EYS: variants seen among roughly 807,000 people sequenced by gnomAD.
EYS encodes protein eyes shut homolog.
Under a neutral mutation model 282.1 loss-of-function variants are expected in EYS, and 250 were observed. The ratio of observed to expected loss-of-function variants is 0.89; its 90% CI spans 0.80 to 0.98. The LOEUF is 0.98. Among genes scored for constraint, EYS ranks in the 50% least tolerant of loss-of-function variants. EYS has a pLI of 0.00. For missense variants in EYS, 4,016 were observed against 3,709.0 expected (o/e 1.08, Z -2.15); for synonymous variants, 1,355 against 1,282.9 (o/e 1.06, Z -1.20).
At chr6:65,400,242 CT>C (rs1487090272) in intron 7 of EYS, among the ~76,000 whole-genome samples, 8 of 151,940 alleles carry the variant, frequency 5.3e-5, no homozygotes, top group Non-Finnish European at 1.2e-4. Flanking sequence ...GTCAAGTATC[CT>C]TTTTAAAATA....
At chr6:63,999,240 A>T in intron 33 of EYS, 57 bp from the exon 34 acceptor site, 1 of 1,068,606 alleles carries the variant, frequency 9.4e-7, no homozygotes, top group Non-Finnish European at 1.4e-6. Context: ...GAAAGGAGTA[A>T]CTTCACACAT....
chr6:64,517,133 G>A (rs1470067360), intron 26 of EYS, among the ~76,000 whole-genome samples: 1 of 151,648 alleles, frequency 6.6e-6, no homozygotes, highest in East Asian at 1.9e-4. Flanking sequence ...AGTTATCCTG[G>A]TCTAAGTAAT....
At chr6:65,571,353 G>A (rs1038122455) in intron 2 of EYS, among the ~76,000 whole-genome samples, 2 of 151,986 alleles carry the variant, frequency 1.3e-5, no homozygotes, top group African/African-American at 4.8e-5. Context: ...AAGTTGATAG[G>A]CAGATTTACG....
intron 31 of EYS, among the ~76,000 whole-genome samples, chr6:64,229,704 AACAC>A (rs143216165): frequency 0.029 from 4,350 of 152,224 alleles, 68 homozygotes; most frequent in African/African-American, 0.048. Flanking sequence ...AGGGTGGAAT[AACAC>A]ACATGCACAC....
Position 64,075,234 on chromosome 6 carries a change from A to G in EYS, c.6571+6622T>C, listed in dbSNP as rs142121090. Among the ~76,000 whole-genome samples the G allele has an allele frequency of 6.0e-3, 918 of 152,082 alleles. 10 individuals carry two copies. The highest frequency in any genetic ancestry group is 0.021 in the African/African-American group (876 of 41,532). ...GATTTTAAGACAGCTTACAGCAACA[A>G]TGATGACATGGGCTGATAATAACCA... is the stretch of plus-strand genomic sequence containing the variant. On this transcript the variant is annotated intron_variant, in intron 32 of 42. Transcript: ENST00000503581.
intron 2 of EYS, among the ~76,000 whole-genome samples, chr6:65,626,333 T>C (rs1450042413): frequency 6.6e-6 from 1 of 152,124 alleles, no homozygotes; most frequent in Non-Finnish European, 1.5e-5. Flanking sequence ...CTACCTAGAG[T>C]TTGCTTGAAT....
chr6:64,783,532 C>T (rs190655427), intron 22 of EYS, among the ~76,000 whole-genome samples: 102 of 152,036 alleles, frequency 6.7e-4, no homozygotes, highest in Non-Finnish European at 1.6e-4. Flanking sequence ...ACTATATTCA[C>T]GTTCTCTTAT....
chr6:64,381,906 G>A (rs1487698439), intron 29 of EYS, among the ~76,000 whole-genome samples: 3 of 152,146 alleles, frequency 2.0e-5, no homozygotes, highest in Non-Finnish European at 4.4e-5. Context: ...TACAGATGGT[G>A]TTCCTTTACT....
In EYS at chr6:63,834,154, G is replaced by C. The variant is rs548946685; in HGVS notation, c.7229-27782C>G. ...CCATTCAGGACATAGGCAGGGGCAAGGACTTCATGACTAAAACACCAAAAG... is the reference window on the plus strand; with the variant it reads ...CCATTCAGGACATAGGCAGGGGCAACGACTTCATGACTAAAACACCAAAAG... On this transcript the variant is annotated intron_variant, in intron 36 of 42. Transcript: ENST00000503581. 4.9e-4 allele frequency among the ~76,000 whole-genome samples: 75 copies of C among 152,198 alleles called. 2 individuals carry two copies. The highest frequency in any genetic ancestry group is 3.0e-3 in the Admixed American group (46 of 15,300).
At chr6:64,275,822 G>T (rs1033410843) in intron 30 of EYS, among the ~76,000 whole-genome samples, 1 of 151,604 alleles carries the variant, frequency 6.6e-6, no homozygotes, top group African/African-American at 2.4e-5. Flanking sequence ...AAAAATAGCT[G>T]GGCGTGGTGG....
intron 30 of EYS, among the ~76,000 whole-genome samples, chr6:64,244,210 C>T (rs751510333): frequency 6.6e-5 from 10 of 152,120 alleles, no homozygotes; most frequent in Non-Finnish European, 1.2e-4. Flanking sequence ...TGCTTCCTCA[C>T]TTCTTCAATT....
chr6:64,187,532 TA>T (rs925350496), intron 31 of EYS, among the ~76,000 whole-genome samples: 24 of 151,962 alleles, frequency 1.6e-4, no homozygotes, highest in East Asian at 1.9e-4. Context: ...ATTAAATAAA[TA>T]AAAAAAATTT....
At chr6:63,843,074 T>A (rs1772004625) in intron 36 of EYS, among the ~76,000 whole-genome samples, 1 of 152,210 alleles carries the variant, frequency 6.6e-6, no homozygotes. Context: ...TTGCTTAGGA[T>A]TGTCTTGGCT....
At chr6:65,045,874 G>A (rs747266997) in intron 13 of EYS, among the ~76,000 whole-genome samples, 1 of 151,868 alleles carries the variant, frequency 6.6e-6, no homozygotes, top group Non-Finnish European at 1.5e-5. Flanking sequence ...AGCTAGGGAT[G>A]TAGTTGGTAG....
chr6:65,476,739 G>A (rs1765422214), intron 5 of EYS, among the ~76,000 whole-genome samples: 1 of 152,078 alleles, frequency 6.6e-6, no homozygotes, highest in Non-Finnish European at 1.5e-5. Context: ...ACCAGGCCCA[G>A]CTAATTTTTA....
intron 2 of EYS, among the ~76,000 whole-genome samples, chr6:65,638,793 G>A (rs1767179387): frequency 6.6e-6 from 1 of 152,202 alleles, no homozygotes; most frequent in Non-Finnish European, 1.5e-5. Flanking sequence ...CTAGCCGGTG[G>A]TGCAAGCCAA....
chr6:64,421,827 C>T lies in EYS; in HGVS notation c.5927+14347G>A, dbSNP rs73767803. Among the ~76,000 whole-genome samples the T allele has an allele frequency of 5.8e-3, 836 of 143,738 alleles. 8 individuals carry two copies. Among genetic ancestry groups the T allele is most frequent in the African/African-American group, 0.02 (774 of 39,142 alleles). The allele number at this position is 143,738 out of a possible 152,430, so 94.3% of individuals were successfully genotyped here. On this transcript the variant is annotated intron_variant, in intron 28 of 42. Transcript: ENST00000503581. ...GAGGGAGCGAAGAAGAGAGAGAGAG[C>T]GAGAGAGAGAGAGCGCATTTTTTTG... is the stretch of plus-strand genomic sequence containing the variant.
intron 31 of EYS, among the ~76,000 whole-genome samples, chr6:64,185,131 A>G (rs896064041): frequency 2.6e-5 from 4 of 152,148 alleles, no homozygotes; most frequent in Non-Finnish European, 4.4e-5. Context: ...CAAATCTGCC[A>G]GTACCTTGCT....
intron 11 of EYS, among the ~76,000 whole-genome samples, chr6:65,300,233 A>G (rs1768780688): frequency 6.6e-6 from 1 of 152,002 alleles, no homozygotes; most frequent in South Asian, 2.1e-4. Context: ...CTCACTTCAT[A>G]GTGTTTTCTG....
Sources: gnomAD v4.1 joint callset for allele counts (sites outside exome capture counted in the v4.1 genomes callset) on GRCh38, gnomAD v4.1.1 for gene constraint, MANE v1.5 for transcripts, NCBI Gene and HGNC (gene_info 2026-07-23, HGNC 2026-07-21) for gene names.